Variants in PCDH15 observed in about 807,000 individuals in gnomAD.
PCDH15 encodes the protein protocadherin-15.
PCDH15 carries 129 observed loss-of-function variants against 178.5 expected under a neutral mutation model. The observed-to-expected ratio is 0.72, with a 90% CI of 0.63 to 0.84. The LOEUF is 0.84. Ranked by LOEUF, PCDH15 falls within the 40% of genes least tolerant of loss-of-function variation. The pLI is 0.00. For missense variants in PCDH15, 2,230 were observed against 2,099.9 expected, an observed-to-expected ratio of 1.06 and a Z score of -1.21; for synonymous variants, 800 against 732.0, an observed-to-expected ratio of 1.09 and a Z score of -1.50.
intron 3 of PCDH15, among the ~76,000 whole-genome samples, chr10:54,510,821 T>C (rs2081582195): frequency 6.6e-6 from 1 of 152,186 alleles, no homozygotes; most frequent in South Asian, 2.1e-4. Flanking sequence ...AAAGTTTCCC[T>C]TTTTTCCACG....
chr10:54,512,023 C>T (rs981190753), intron 3 of PCDH15, among the ~76,000 whole-genome samples: 4 of 152,026 alleles, frequency 2.6e-5, no homozygotes, highest in Admixed American at 1.3e-4. Flanking sequence ...CCAGAGATTT[C>T]ATCTTTCAAA....
intron 1 of PCDH15, among the ~76,000 whole-genome samples, chr10:54,780,576 CATAAT>C (rs1048088209): frequency 6.6e-6 from 1 of 151,764 alleles, no homozygotes; most frequent in Non-Finnish European, 1.5e-5. Context: ...AGCTGTTCCT[CATAAT>C]ATTGAGACAT....
intron 23 of PCDH15, among the ~76,000 whole-genome samples, chr10:53,942,227 A>T (rs2086127025): frequency 1.3e-5 from 2 of 152,246 alleles, no homozygotes; most frequent in South Asian, 4.1e-4. Flanking sequence ...TTTTAAAATG[A>T]AGTGTGTAAA....
chr10:54,490,994 G>A (rs1030583631), intron 3 of PCDH15, among the ~76,000 whole-genome samples: 18 of 152,130 alleles, frequency 1.2e-4, no homozygotes, highest in African/African-American at 4.3e-4. Context: ...CCTGGCCAGG[G>A]ATATTTCCTT....
chr10:53,991,007 C>T (rs10825185), intron 21 of PCDH15, among the ~76,000 whole-genome samples: 99,493 of 151,962 alleles, frequency 0.65, 32,722 homozygotes, highest in Middle Eastern at 0.72. Flanking sequence ...CGCCCGCCCA[C>T]GCTGCACTCG....
At chr10:54,514,250 ATAAAT>A (rs544034627) in intron 3 of PCDH15, among the ~76,000 whole-genome samples, 200 of 152,308 alleles carry the variant, frequency 1.3e-3, no homozygotes, top group African/African-American at 4.6e-3. Context: ...AAACCCAGAA[ATAAAT>A]TAATCTCTGA....
intron 2 of PCDH15, among the ~76,000 whole-genome samples, chr10:54,635,937 A>T (rs1310990393): frequency 6.6e-6 from 1 of 151,876 alleles, no homozygotes; most frequent in African/African-American, 2.4e-5. Context: ...CTGCAAAGAA[A>T]ACGAGAAATA....
At chr10:55,366,166 T>C (rs567444082) in intron 2 of PCDH15, 1 of 152,256 alleles carries the variant, frequency 6.6e-6, no homozygotes, top group Admixed American at 6.5e-5. Flanking sequence ...TAAATTTTAG[T>C]TGAAATTAGT....
rs1947269864 is a variant in PCDH15, at chr10:54,369,216, G to A, written c.378C>T (p.Gly126=). 6.2e-7 allele frequency: 1 copy of A among 1,612,758 alleles called. No homozygotes were observed. The highest frequency in any genetic ancestry group is 1.3e-5 in the African/African-American group (1 of 74,788). Residue 126 remains glycine (G), a synonymous_variant, in exon 5 of 38, where the codon GGC becomes GGT. Transcript: ENST00000644397. ...TTCGCACTTCATGGTAGATAATAGT[G>A]CCCACTTTTTTGTTGATGCACTGGA... is the stretch of plus-strand genomic sequence containing the variant. The part of the protein sequence containing the change: ...VQVQCINKKV[G]TIIYHEVRIV...
chr10:55,330,265 T>A (rs1425972452), intron 2 of PCDH15, among the ~76,000 whole-genome samples: 1 of 151,840 alleles, frequency 6.6e-6, no homozygotes, highest in East Asian at 1.9e-4. Flanking sequence ...AAATCAAGCT[T>A]TTATTTGCCT....
chr10:54,015,462 A>G (rs2092711252), intron 20 of PCDH15, among the ~76,000 whole-genome samples: 1 of 152,232 alleles, frequency 6.6e-6, no homozygotes, highest in Non-Finnish European at 1.5e-5. Context: ...AAGCAAAAAG[A>G]AAAAAGCTGA....
chr10:55,519,487 T>C (rs1013561156), intron 2 of PCDH15, among the ~76,000 whole-genome samples: 2 of 152,050 alleles, frequency 1.3e-5, no homozygotes, highest in Non-Finnish European at 1.5e-5. Flanking sequence ...GGAATTGTCA[T>C]GCATCTTGAC....
At chr10:54,943,429 C>T (rs1174421715) in intron 2 of PCDH15, among the ~76,000 whole-genome samples, 1 of 151,892 alleles carries the variant, frequency 6.6e-6, no homozygotes, top group Non-Finnish European at 1.5e-5. Context: ...GAAGTGGGTA[C>T]TATTTTTATA....
Position 54,281,385 on chromosome 10 carries a change from G to T in PCDH15, c.876+35886C>A, listed in dbSNP as rs1023239700. Among the ~76,000 whole-genome samples the T allele has an allele frequency of 7.9e-5, 12 of 151,916 alleles. 1 individual carries two copies. In the South Asian group the frequency reaches 1.7e-3, roughly 21 times the overall value. On this transcript the variant is annotated intron_variant, in intron 8 of 37. Transcript: ENST00000644397. ...TAACAGTAAAATAGAAAAGATTTGT[G>T]GATATGACAACAATTCTGCTTGCTT... is the stretch of plus-strand genomic sequence containing the variant.
intron 2 of PCDH15, among the ~76,000 whole-genome samples, chr10:55,613,863 C>G (rs1005332945): frequency 6.6e-6 from 1 of 152,114 alleles, no homozygotes. Flanking sequence ...AATCCCAGCA[C>G]TTTGGGATGC....
intron 2 of PCDH15, among the ~76,000 whole-genome samples, chr10:55,358,881 C>T (rs1282866523): frequency 6.6e-6 from 1 of 151,934 alleles, no homozygotes; most frequent in Non-Finnish European, 1.5e-5. Flanking sequence ...GTCAGGAAAA[C>T]AACATATAAT....
chr10:54,290,929 C>A (rs530163113), intron 8 of PCDH15, among the ~76,000 whole-genome samples: 110 of 152,294 alleles, frequency 7.2e-4, no homozygotes, highest in African/African-American at 2.5e-3. Flanking sequence ...GAGACTTAGA[C>A]TCCCACACAA....
intron 7 of PCDH15, among the ~76,000 whole-genome samples, chr10:54,327,662 GGC>G (rs1412399699): frequency 6.6e-6 from 1 of 151,740 alleles, no homozygotes. Context: ...ACAAGTTTGT[GGC>G]ACATTTTTTC....
intron 18 of PCDH15, among the ~76,000 whole-genome samples, chr10:54,047,568 C>T (rs1338566976): frequency 5.3e-5 from 8 of 151,810 alleles, no homozygotes; most frequent in Non-Finnish European, 1.0e-4. Context: ...TGTGCCCCTC[C>T]CCCAGTCTCT....
Sources: allele counts gnomAD v4.1 joint callset (sites outside exome capture counted in the v4.1 genomes callset), GRCh38; gene constraint gnomAD v4.1.1; transcripts MANE v1.5; gene names NCBI Gene and HGNC (gene_info 2026-07-23, HGNC 2026-07-21).